SGCG: variants seen among roughly 807,000 people sequenced by gnomAD.
SGCG encodes gamma-sarcoglycan.
In SGCG, 26 loss-of-function variants were observed where a neutral mutation model predicts 29.3. The observed-to-expected ratio is 0.89, with a 90% CI of 0.65 to 1.23. SGCG has a LOEUF of 1.23. Ranked by LOEUF, SGCG falls within the 50% of genes most tolerant of loss-of-function variation. SGCG has a pLI of 0.00. For synonymous variants in SGCG, 145 were observed against 129.7 expected (o/e 1.12, Z -0.80); for missense variants, 353 against 356.0 (o/e 0.99, Z 0.07).
intron 1 of SGCG, among the ~76,000 whole-genome samples, chr13:23,182,064 T>C (rs1236488962): frequency 2.0e-5 from 3 of 150,860 alleles, no homozygotes; most frequent in South Asian, 2.1e-4. Flanking sequence ...TAGTTAGATA[T>C]AGCATTCCAA....
intron 4 of SGCG, among the ~76,000 whole-genome samples, chr13:23,263,126 C>T (rs1017716585): frequency 5.3e-5 from 8 of 150,428 alleles, no homozygotes; most frequent in Non-Finnish European, 1.0e-4. Flanking sequence ...CCCAAAGCTA[C>T]CATAGGAAAA....
chr13:23,198,016 A>G (rs1004349287), intron 1 of SGCG, among the ~76,000 whole-genome samples: 1 of 152,242 alleles, frequency 6.6e-6, no homozygotes. Context: ...GTTGAAAGCA[A>G]AGTGGTGGAA....
intron 2 of SGCG, among the ~76,000 whole-genome samples, chr13:23,226,539 C>T (rs1361909442): frequency 3.3e-5 from 5 of 152,178 alleles, no homozygotes; most frequent in African/African-American, 7.2e-5. Flanking sequence ...CAAGCTGACA[C>T]TTGTGTTCAA....
At chr13:23,183,439 T>C (rs961712943) in intron 1 of SGCG, among the ~76,000 whole-genome samples, 37 of 152,178 alleles carry the variant, frequency 2.4e-4, no homozygotes, top group Admixed American at 2.3e-3. Flanking sequence ...CTATTTCTGC[T>C]GTTTCTGTGG....
At chr13:23,321,604 G>T (rs117926485) in intron 7 of SGCG, among the ~76,000 whole-genome samples, 1 of 152,178 alleles carries the variant, frequency 6.6e-6, no homozygotes, top group African/African-American at 2.4e-5. Context: ...GGCTGGGAGC[G>T]TAGACAGCTG....
chr13:23,268,344 C>T (rs1053768593), intron 4 of SGCG: 1 of 152,156 alleles, frequency 6.6e-6, no homozygotes, highest in Non-Finnish European at 1.5e-5. Flanking sequence ...AAGAACCCCC[C>T]AGTTTTGGCC....
chr13:23,306,020 A>G (rs1566040600), intron 6 of SGCG, among the ~76,000 whole-genome samples: 1 of 152,138 alleles, frequency 6.6e-6, no homozygotes. Context: ...ACAGGAATGC[A>G]CTACAATTAT....
rs757902023 is a variant in SGCG, at chr13:23,245,382, G to A, written c.298-5248G>A. 7 of 152,252 alleles carry A rather than the reference G, an allele frequency of 4.6e-5. 1 individual carries two copies. The highest frequency in any genetic ancestry group is 1.3e-4 in the Admixed American group (2 of 15,300). The allele number at this position is 152,252 out of a possible 1,614,324, so 9.4% of individuals were successfully genotyped here. On this transcript the variant is annotated intron_variant, in intron 3 of 7. Transcript: ENST00000218867. Reference sequence around the variant, plus strand: ...GTAGGGTAGACCTAAAGATAGCGACGCTTAATTGACTTATGTGAGGGTTCT... The same window carrying A: ...GTAGGGTAGACCTAAAGATAGCGACACTTAATTGACTTATGTGAGGGTTCT...
chr13:23,250,792 C>T, intron 4 of SGCG, 75 bp downstream of exon 4: 3 of 887,818 alleles, frequency 3.4e-6, no homozygotes, highest in Non-Finnish European at 3.8e-6. Context: ...ATTGTTTTTT[C>T]TTCTAAAGAA....
intron 6 of SGCG, among the ~76,000 whole-genome samples, chr13:23,302,614 T>C (rs1882205934): frequency 6.6e-6 from 1 of 152,092 alleles, no homozygotes; most frequent in African/African-American, 2.4e-5. Flanking sequence ...AAAATATCAC[T>C]CTGTACTCCA....
At chr13:23,241,514 G>T (rs563692316) in intron 3 of SGCG, among the ~76,000 whole-genome samples, 1 of 152,068 alleles carries the variant, frequency 6.6e-6, no homozygotes, top group Admixed American at 6.6e-5. Flanking sequence ...GGACCAGAAG[G>T]CTTCACCGCT....
intron 6 of SGCG, among the ~76,000 whole-genome samples, chr13:23,300,699 A>C (rs1463560317): frequency 2.0e-5 from 3 of 151,950 alleles, no homozygotes; most frequent in African/African-American, 7.3e-5. Flanking sequence ...AAGTCTGTGA[A>C]ACTCATAGAA....
intron 4 of SGCG, among the ~76,000 whole-genome samples, chr13:23,265,185 C>G (rs1194762741): frequency 1.3e-5 from 2 of 151,844 alleles, no homozygotes; most frequent in Admixed American, 1.3e-4. Flanking sequence ...GGACTAATAT[C>G]TAACTTGGGA....
At chr13:23,305,331 AC>A (rs1294144765) in intron 6 of SGCG, among the ~76,000 whole-genome samples, 1 of 152,104 alleles carries the variant, frequency 6.6e-6, no homozygotes, top group Non-Finnish European at 1.5e-5. Context: ...ATTCCCTGTT[AC>A]TGTTTTAGAT....
intron 3 of SGCG, among the ~76,000 whole-genome samples, chr13:23,248,250 C>T (rs1351238031): frequency 6.6e-6 from 1 of 152,206 alleles, no homozygotes; most frequent in Non-Finnish European, 1.5e-5. Flanking sequence ...ACCTACTCCT[C>T]TCTCCCTGCA....
rs1878941028 is a variant in SGCG, at chr13:23,227,342, A to C, written c.196-7269A>C. ...AAAAAAAAAAAAACAAAAACCTGGCAGTACCAAGTGCTGACAAGAATGCGG... is the reference window on the plus strand; with the variant it reads ...AAAAAAAAAAAAACAAAAACCTGGCCGTACCAAGTGCTGACAAGAATGCGG... On this transcript the variant is annotated intron_variant, in intron 2 of 7. Coordinates refer to ENST00000218867, the MANE Select transcript of SGCG (RefSeq NM_000231.3). 2.0e-5 allele frequency among the ~76,000 whole-genome samples: 3 copies of C among 150,474 alleles called. No individual in the cohort carries two copies. In the South Asian group the frequency reaches 6.3e-4, roughly 31 times the overall value.
At chr13:23,179,050 C>T (rs1274681643), upstream of SGCG, among the ~76,000 whole-genome samples, 1 of 152,196 alleles carries the variant, frequency 6.6e-6, no homozygotes, top group Non-Finnish European at 1.5e-5. Flanking sequence ...TAAGGACTTT[C>T]AAAGTCACTT....
At chr13:23,268,512 A>G (rs1202726854) in intron 4 of SGCG, 1 of 152,826 alleles carries the variant, frequency 6.5e-6, no homozygotes, top group Non-Finnish European at 1.5e-5. Context: ...GGATAACTAA[A>G]TGCTACAGAT....
intron 4 of SGCG, among the ~76,000 whole-genome samples, chr13:23,274,426 G>C (rs1880990772): frequency 9.3e-6 from 1 of 107,452 alleles, no homozygotes; most frequent in South Asian, 3.2e-4. Context: ...TTTTTGAGAT[G>C]GGGTCTTGCT....
Sources: gnomAD v4.1 joint callset for allele counts (sites outside exome capture counted in the v4.1 genomes callset) on GRCh38, gnomAD v4.1.1 for gene constraint, MANE v1.5 for transcripts, NCBI Gene and HGNC (gene_info 2026-07-23, HGNC 2026-07-21) for gene names.